Variants in ARHGAP27 observed in about 807,000 individuals in gnomAD.
The protein encoded by ARHGAP27 is rho GTPase-activating protein 27.
ARHGAP27 carries 53 observed loss-of-function variants against 102.0 expected under a neutral mutation model. The ratio of observed to expected loss-of-function variants is 0.52; its 90% confidence interval spans 0.42 to 0.65. The LOEUF (loss-of-function observed/expected upper bound fraction) is 0.65. ARHGAP27 is among the 30% of genes least tolerant of loss of function. ARHGAP27 has a pLI of 0.00. For missense variants in ARHGAP27, 1,117 were observed against 1,256.2 expected (o/e 0.89, Z 1.68); for synonymous variants, 525 against 542.8 (o/e 0.97, Z 0.46).
chr17:45,395,735 C>T lies in ARHGAP27; in HGVS notation c.2492+9G>A, dbSNP rs776768269. 70 of 1,584,744 alleles carry T rather than the reference C, an allele frequency of 4.4e-5. No homozygotes were observed. In the East Asian group the frequency reaches 5.5e-4, roughly 13 times the overall value. On this transcript the variant is annotated intron_variant, in intron 19 of 19. Coordinates refer to ENST00000685559, the MANE Select transcript of ARHGAP27 (RefSeq NM_001282290.2). ...GCCTCCCCCTTCCCGCGCGGGCCGC[C>T]CGGCTCACCGGCAGAGGTGCTGGAA...
rs377644928 is a variant in ARHGAP27 at position 45,431,538 on chromosome 17, G to C, written c.-19+83C>G. 12 of 196,886 alleles carry C rather than the reference G, an allele frequency of 6.1e-5. No individual in the cohort carries two copies. The East Asian group carries it at 1.6e-3, about 27-fold the overall frequency. 12.2% of individuals were successfully genotyped at this position (196,886 alleles called of 1,614,324 possible). ...GCTGGGCCCCGGAGGCGGGGTCATCGAGCTGCCCGGTGCTGAACCAACAAA... is the reference window on the plus strand; with the variant it reads ...GCTGGGCCCCGGAGGCGGGGTCATCCAGCTGCCCGGTGCTGAACCAACAAA... On this transcript the variant is annotated intron_variant, in intron 3 of 19. Coordinates refer to ENST00000685559, the MANE Select transcript of ARHGAP27 (RefSeq NM_001282290.2).
At chr17:45,413,033 G>T (rs909547877) in intron 4 of ARHGAP27, among the ~76,000 whole-genome samples, 1 of 129,112 alleles carries the variant, frequency 7.7e-6, no homozygotes, top group Non-Finnish European at 1.6e-5. Flanking sequence ...AGGCTGGGGT[G>T]CAGTGGCTCG....
intron 4 of ARHGAP27, chr17:45,410,156 G>A: frequency 1.3e-6 from 2 of 1,490,694 alleles, no homozygotes; most frequent in South Asian, 2.4e-5. Flanking sequence ...CCTGCTCTAA[G>A]CCCCAGCTCA....
rs2046906504 is a variant in ARHGAP27, at chr17:45,404,636, G to C, written c.1294C>G (p.Pro432Ala). The C allele has an allele frequency of 1.2e-6, 2 of 1,613,310 alleles. No individual in the cohort carries two copies. Among genetic ancestry groups the C allele is most frequent in the African/African-American group, 1.3e-5 (1 of 74,848 alleles). The change falls in exon 7 of 20, where the codon CCA (proline) becomes GCA (alanine). Residue 432 changes from proline (P) to alanine (A), a missense_variant. This residue lies in a region of ARHGAP27 where 610 missense variants were observed against 716.4 expected (regional missense o/e 0.85). Transcript: ENST00000685559. ...DPHGKPYFYNPEDSSVRWELP... is the reference protein window; with the variant it reads ...DPHGKPYFYNAEDSSVRWELP... ...TCCCATCGAACAGAGGAGTCCTCTGGATTGTAGAAGTATGGCTTCCCGTGG... is the reference window on the plus strand; with the variant it reads ...TCCCATCGAACAGAGGAGTCCTCTGCATTGTAGAAGTATGGCTTCCCGTGG...
At chr17:45,410,703 A>AG (rs2047817984) in intron 4 of ARHGAP27, among the ~76,000 whole-genome samples, 1 of 151,494 alleles carries the variant, frequency 6.6e-6, no homozygotes, top group African/African-American at 2.4e-5. Context: ...GGGTGGGCAG[A>AG]GGGGGCGCTG....
In ARHGAP27 at chr17:45,395,297, G is replaced by A; in HGVS notation, c.*159C>T. On this transcript the variant is annotated 3_prime_UTR_variant, in exon 20 of 20. Transcript: ENST00000685559. ...TCACATTTTGCAAACTGCCCACTAGGGGTCACCGTACCCTCAGAACCGAGG... is the reference window on the plus strand; with the variant it reads ...TCACATTTTGCAAACTGCCCACTAGAGGTCACCGTACCCTCAGAACCGAGG... 1 of 896,906 alleles carries A rather than the reference G, an allele frequency of 1.1e-6. No individual in the cohort carries two copies. Among genetic ancestry groups the A allele is most frequent in the Non-Finnish European group, 1.6e-6 (1 of 609,692 alleles). The allele number at this position is 896,906 out of a possible 1,614,324, so 55.6% of individuals were successfully genotyped here.
intron 4 of ARHGAP27, among the ~76,000 whole-genome samples, chr17:45,416,957 C>T (rs1404384979): frequency 6.7e-6 from 1 of 150,364 alleles, no homozygotes; most frequent in East Asian, 2.0e-4. Flanking sequence ...GAGTTTGAGA[C>T]CAGCCTGACC....
chr17:45,424,233 G>A (rs1230085), intron 4 of ARHGAP27, among the ~76,000 whole-genome samples: 70,578 of 152,184 alleles, frequency 0.46, 17,152 homozygotes, highest in South Asian at 0.59. Context: ...AGTTCTGGAA[G>A]TTCCCTCAAC....
chr17:45,403,933 G>A, intron 10 of ARHGAP27, 96 bp downstream of exon 10: 1 of 1,393,486 alleles, frequency 7.2e-7, no homozygotes, highest in Non-Finnish European at 1.0e-6. Context: ...CGAAGTTGTT[G>A]TGAGGATTAA....
At position 45,404,103 on chromosome 17, in the gene ARHGAP27, G is replaced by C; in HGVS notation, c.1480-7C>G. 6.2e-7 allele frequency: 1 copy of C among 1,614,138 alleles called. No homozygotes were observed. The highest frequency in any genetic ancestry group is 8.5e-7 in the Non-Finnish European group (1 of 1,180,018). ...CCTTGTCCAAGGTCTTGGTCTAAGA[G>C]AGAGAAGAGAGAGCAGGCGCAAGAG... On this transcript the variant is annotated splice_region_variant and splice_polypyrimidine_tract_variant and intron_variant, in intron 9 of 19. Transcript: ENST00000685559.
intron 4 of ARHGAP27, 168 bp downstream of exon 4, chr17:45,429,455 A>C (rs775702055): frequency 6.9e-7 from 1 of 1,458,576 alleles, no homozygotes; most frequent in Non-Finnish European, 9.0e-7. Flanking sequence ...GCGGGCGTGC[A>C]CCCCTCACGT....
At chr17:45,432,058 C>T (rs1282954678) in intron 2 of ARHGAP27, among the ~76,000 whole-genome samples, 158 bp downstream of exon 2, 1 of 139,422 alleles carries the variant, frequency 7.2e-6, no homozygotes, top group Non-Finnish European at 1.5e-5. Context: ...GTGCCTGCGT[C>T]CCTCCTGTGC....
In ARHGAP27 at chr17:45,395,318, C is replaced by T. The variant is rs1212916420; in HGVS notation, c.*138G>A. The T allele has an allele frequency of 1.8e-6, 2 of 1,127,436 alleles. No individual in the cohort carries two copies. Among genetic ancestry groups the T allele is most frequent in the East Asian group, 2.6e-5 (1 of 38,252 alleles). 69.8% of individuals were successfully genotyped at this position (1,127,436 alleles called of 1,614,324 possible). A position where few individuals can be genotyped will look rare whatever the true frequency, so the allele number is the denominator to read the frequency against. Reference sequence around the variant, plus strand: ...CTAGGGGTCACCGTACCCTCAGAACCGAGGGTGCAGAAGTCACACCGGCCT... The same window carrying T: ...CTAGGGGTCACCGTACCCTCAGAACTGAGGGTGCAGAAGTCACACCGGCCT... On this transcript the variant is annotated 3_prime_UTR_variant, in exon 20 of 20. Coordinates refer to ENST00000685559, the MANE Select transcript of ARHGAP27 (RefSeq NM_001282290.2).
Position 45,395,820 on chromosome 17 carries a change from A to AGCGGCT in ARHGAP27, c.2410_2415dup (p.Ser804_Arg805dup), listed in dbSNP as rs1835265901. 1.9e-6 allele frequency: 3 copies of AGCGGCT among 1,604,104 alleles called. No individual in the cohort carries two copies. The highest frequency in any genetic ancestry group is 2.6e-6 in the Non-Finnish European group (3 of 1,176,286). ...AGCGAGCGCACCAAGTCACGCACAC[A>AGCGGCT]GCGGCTGCGCCGGGCCTGGTCCTGC... On this transcript the variant is annotated inframe_insertion, in exon 19 of 20. Transcript: ENST00000685559.
In ARHGAP27 at chr17:45,393,977, TG is replaced by T. The variant is rs2045325507; in HGVS notation, c.*1478del. On this transcript the variant is annotated 3_prime_UTR_variant, in exon 20 of 20. Transcript: ENST00000685559. ...GATAACTTTTAAATATTTAGACATATGGTATGAGGCCCCTGTGTGTACTCTT... is the reference window on the plus strand; with the variant it reads ...GATAACTTTTAAATATTTAGACATATGTATGAGGCCCCTGTGTGTACTCTT... The T allele has an allele frequency of 6.6e-6, 1 of 152,648 alleles. No homozygotes were observed. The highest frequency in any genetic ancestry group is 2.4e-5 in the African/African-American group (1 of 41,438). 9.5% of individuals were successfully genotyped at this position (152,648 alleles called of 1,614,324 possible). A position where few individuals can be genotyped will look rare whatever the true frequency, so the allele number is the denominator to read the frequency against.
At chr17:45,432,621 A>G (rs1015952881) in intron 1 of ARHGAP27, 131 bp downstream of exon 1, 1 of 150,650 alleles carries the variant, frequency 6.6e-6, no homozygotes, top group Non-Finnish European at 1.5e-5. Flanking sequence ...AGGCGCGCGG[A>G]GCTCCCGGGT....
rs2045444929 is a variant in ARHGAP27, at chr17:45,395,214, AC to A, written c.*241del. On this transcript the variant is annotated 3_prime_UTR_variant, in exon 20 of 20. Transcript: ENST00000685559. ...ATGCAACAGAGAAAAAACCGAATTAACCCCCAAACAGGACGTGACGGGAAGG... is the reference window on the plus strand; with the variant it reads ...ATGCAACAGAGAAAAAACCGAATTAACCCCAAACAGGACGTGACGGGAAGG... 1.0e-5 allele frequency: 6 copies of A among 572,778 alleles called. No individual in the cohort carries two copies. Among genetic ancestry groups the A allele is most frequent in the Admixed American group, 3.3e-5 (1 of 30,046 alleles). The allele number at this position is 572,778 out of a possible 1,614,324, so 35.5% of individuals were successfully genotyped here.
rs1212916420 is a variant in ARHGAP27, at chr17:45,395,318, C to G, written c.*138G>C. 1.8e-6 allele frequency: 2 copies of G among 1,127,320 alleles called. No individual in the cohort carries two copies. The highest frequency in any genetic ancestry group is 3.2e-5 in the African/African-American group (2 of 63,384). 69.8% of individuals were successfully genotyped at this position (1,127,320 alleles called of 1,614,324 possible). A position where few individuals can be genotyped will look rare whatever the true frequency, so the allele number is the denominator to read the frequency against. ...CTAGGGGTCACCGTACCCTCAGAACCGAGGGTGCAGAAGTCACACCGGCCT... is the reference window on the plus strand; with the variant it reads ...CTAGGGGTCACCGTACCCTCAGAACGGAGGGTGCAGAAGTCACACCGGCCT... On this transcript the variant is annotated 3_prime_UTR_variant, in exon 20 of 20. Coordinates refer to ENST00000685559, the MANE Select transcript of ARHGAP27 (RefSeq NM_001282290.2).
At chr17:45,399,392 ACCATTCTGG>A (rs1430758398) in intron 12 of ARHGAP27, among the ~76,000 whole-genome samples, 1 of 152,032 alleles carries the variant, frequency 6.6e-6, no homozygotes, top group Non-Finnish European at 1.5e-5. Context: ...GGAGATGGAG[ACCATTCTGG>A]CTAACACAGT....
Sources: allele counts gnomAD v4.1 joint callset (sites outside exome capture counted in the v4.1 genomes callset), GRCh38; gene constraint gnomAD v4.1.1; regional missense constraint gnomAD v4.1.1; transcripts MANE v1.5; gene names NCBI Gene and HGNC (gene_info 2026-07-23, HGNC 2026-07-21).